The following NFIB variants were observed in gnomAD, a reference collection of about 807,000 sequenced individuals.
NFIB encodes nuclear factor 1 B-type.
Under a neutral mutation model 61.5 loss-of-function variants are expected in NFIB, and 11 were observed. The ratio of observed to expected loss-of-function variants is 0.18; its 90% CI spans 0.11 to 0.30. NFIB has a LOEUF of 0.30. NFIB is among the 10% of genes least tolerant of loss of function. NFIB has a pLI of 1.00. For synonymous variants in NFIB, 260 were observed against 216.5 expected, an observed-to-expected ratio of 1.20 and a Z score of -1.76; for missense variants, 471 against 608.9, an observed-to-expected ratio of 0.77 and a Z score of 2.38.
chr9:14,289,757 A>C (rs188472861), intron 2 of NFIB, among the ~76,000 whole-genome samples: 2 of 152,190 alleles, frequency 1.3e-5, no homozygotes, highest in Admixed American at 1.3e-4. Context: ...ATTTTTAATG[A>C]ATAAGAGAAA....
At chr9:14,209,644 G>T (rs1563903978) in intron 2 of NFIB, among the ~76,000 whole-genome samples, 1 of 152,214 alleles carries the variant, frequency 6.6e-6, no homozygotes, top group Non-Finnish European at 1.5e-5. Context: ...GGTAATGGAC[G>T]CTTTGCTGCG....
At chr9:14,134,913 A>AAAAAAAAAAAAAAAG (rs1011872669) in intron 6 of NFIB, among the ~76,000 whole-genome samples, 3 of 133,382 alleles carry the variant, frequency 2.2e-5, no homozygotes, top group East Asian at 2.2e-4. Context: ...AAAAAAAAAA[A>AAAAAAAAAAAAAAAG]AAAAAAAGGA....
chr9:14,463,916 T>C, the NFIB span, among the ~76,000 whole-genome samples: 5 of 152,172 alleles, frequency 3.3e-5, no homozygotes, highest in African/African-American at 1.2e-4. Context: ...CGCCTCGGCC[T>C]CCCAAAGTGC....
upstream of NFIB, chr9:14,314,153 G>C (rs904447140): frequency 9.9e-7 from 1 of 1,010,718 alleles, no homozygotes; most frequent in African/African-American, 1.8e-5. Context: ...CGCGGGTGGC[G>C]GGGCGCGCGC....
chr9:14,141,426 A>G (rs367962862), intron 6 of NFIB, among the ~76,000 whole-genome samples: 2 of 152,174 alleles, frequency 1.3e-5, no homozygotes, highest in Non-Finnish European at 2.9e-5. Context: ...CTAACATGCC[A>G]ATTTATTGAT....
the NFIB span, among the ~76,000 whole-genome samples, chr9:14,518,133 T>C: frequency 3.3e-5 from 5 of 152,248 alleles, no homozygotes; most frequent in Admixed American, 6.5e-5. Context: ...AAGAAACGTT[T>C]GGGTCTATAT....
At chr9:14,438,691 G>C in the NFIB span, among the ~76,000 whole-genome samples, 1 of 152,148 alleles carries the variant, frequency 6.6e-6, no homozygotes, top group Non-Finnish European at 1.5e-5. Context: ...CAGCCCCCTG[G>C]AATACACGGG....
At chr9:14,091,284 ATGAC>A (rs1175944415) in intron 10 of NFIB, among the ~76,000 whole-genome samples, 1 of 152,000 alleles carries the variant, frequency 6.6e-6, no homozygotes, top group Non-Finnish European at 1.5e-5. Flanking sequence ...AACTAATTCA[ATGAC>A]TGAGATAACA....
the NFIB span, among the ~76,000 whole-genome samples, chr9:14,478,715 C>G: frequency 2.6e-5 from 4 of 152,096 alleles, no homozygotes; most frequent in Admixed American, 2.0e-4. Flanking sequence ...TAGGAATCCC[C>G]TCTATCAGTA....
intron 2 of NFIB, among the ~76,000 whole-genome samples, chr9:14,181,015 G>A (rs2046707878): frequency 6.6e-6 from 1 of 152,178 alleles, no homozygotes. Context: ...AAGTGATTTG[G>A]TTAAGCAGGA....
rs890829971 is a variant in NFIB at position 14,349,349 on chromosome 9, G to A, written c.109-41829C>T. On this transcript the variant is annotated intron_variant, in intron 1 of 8. Coordinates refer to the NFIB transcript ENST00000380934. ...CACGTATTTAACAACCTTCTTTAGGGCAAACTCTGCAACGGAGCCCGCCCG... is the reference window on the plus strand; with the variant it reads ...CACGTATTTAACAACCTTCTTTAGGACAAACTCTGCAACGGAGCCCGCCCG... Among the ~76,000 whole-genome samples, 59 of 152,164 alleles carry A rather than the reference G, an allele frequency of 3.9e-4. 1 individual carries two copies. The highest frequency in any genetic ancestry group is 1.4e-3 in the African/African-American group (59 of 41,428).
chr9:14,282,472 A>G (rs2058435496), intron 2 of NFIB, among the ~76,000 whole-genome samples: 1 of 152,246 alleles, frequency 6.6e-6, no homozygotes, highest in Non-Finnish European at 1.5e-5. Context: ...TATATTACAC[A>G]TGGTGGACCA....
chr9:14,392,234 T>C (rs1373026618), intron 1 of NFIB, among the ~76,000 whole-genome samples: 3 of 151,974 alleles, frequency 2.0e-5, no homozygotes, highest in South Asian at 2.1e-4. Context: ...AGAAAAAGGG[T>C]ATTAGGTAAA....
intron 10 of NFIB, among the ~76,000 whole-genome samples, chr9:14,097,850 CTT>C (rs994880801): frequency 7.7e-6 from 1 of 129,668 alleles, no homozygotes; most frequent in South Asian, 2.8e-4. Context: ...CCCCCCCACA[CTT>C]TTTTTTTCTT....
chr9:14,307,589 G>A lies in NFIB; in HGVS notation c.31-69C>T. Reference sequence around the variant, plus strand: ...TTAATTTTAAAAGCTCAAAAAATAAGAAAAGAAGACCACAACCCGTTTCCA... The same window carrying A: ...TTAATTTTAAAAGCTCAAAAAATAAAAAAAGAAGACCACAACCCGTTTCCA... On this transcript the variant is annotated intron_variant, in intron 1 of 10. Transcript: ENST00000380953. This position sits in a 1 kb window ranked among gnomAD's most constrained non-coding sequence, Gnocchi z 5.3. 7.0e-7 allele frequency: 1 copy of A among 1,429,942 alleles called. No homozygotes were observed. The allele number at this position is 1,429,942 out of a possible 1,614,324, so 88.6% of individuals were successfully genotyped here. A position where few individuals can be genotyped will look rare whatever the true frequency, so the allele number is the denominator to read the frequency against.
intron 2 of NFIB, among the ~76,000 whole-genome samples, chr9:14,275,467 C>T (rs979822216): frequency 5.9e-5 from 9 of 152,074 alleles, no homozygotes; most frequent in Non-Finnish European, 1.0e-4. Context: ...AAAAAGTGCA[C>T]GGCGCCATGG....
chr9:14,205,606 T>G (rs1188461094), intron 2 of NFIB, among the ~76,000 whole-genome samples: 1 of 152,134 alleles, frequency 6.6e-6, no homozygotes, highest in African/African-American at 2.4e-5. Flanking sequence ...ACATTAGGCC[T>G]GGTGTACTCC....
the NFIB span, among the ~76,000 whole-genome samples, chr9:14,489,258 A>G: frequency 6.6e-6 from 1 of 152,390 alleles, no homozygotes; most frequent in Non-Finnish European, 1.5e-5. Context: ...ATGAGGAAAT[A>G]TAACAGATTG....
At chr9:14,173,419 A>T (rs1027867859) in intron 3 of NFIB, among the ~76,000 whole-genome samples, 10 of 152,116 alleles carry the variant, frequency 6.6e-5, no homozygotes, top group Non-Finnish European at 1.5e-4. Flanking sequence ...TTAAATATAA[A>T]TACATATGTA....
Sources: allele counts gnomAD v4.1 joint callset (sites outside exome capture counted in the v4.1 genomes callset), GRCh38; gene constraint gnomAD v4.1.1; non-coding constraint Gnocchi (gnomAD v3.1); transcripts MANE v1.5; gene names NCBI Gene and HGNC (gene_info 2026-07-23, HGNC 2026-07-21).